Variants in ATG7 observed in about 807,000 individuals in gnomAD.
ATG7 encodes autophagy related 7.
A neutral mutation model predicts 82.4 loss-of-function variants in ATG7; 70 were observed. The ratio of observed to expected loss-of-function variants is 0.85; its 90% confidence interval spans 0.70 to 1.04. ATG7 has a LOEUF of 1.04. Ranked by LOEUF, ATG7 falls within the 50% of genes least tolerant of loss-of-function variation. The pLI is 0.00. For missense variants in ATG7, 792 were observed against 864.3 expected (o/e 0.92, Z 1.05); for synonymous variants, 287 against 313.0 (o/e 0.92, Z 0.88).
chr3:11,308,937 T>A (rs574434116), intron 6 of ATG7, 47 bp from the exon 7 acceptor site: 3 of 1,550,098 alleles, frequency 1.9e-6, no homozygotes, highest in East Asian at 4.5e-5. Flanking sequence ...AGTGAGAAAC[T>A]CAGAGATGCC....
chr3:11,540,748 G>T (rs1312282152), intron 20 of ATG7, among the ~76,000 whole-genome samples: 1 of 151,720 alleles, frequency 6.6e-6, no homozygotes, highest in African/African-American at 2.4e-5. Context: ...TCTTGATGTT[G>T]TCTTTAAGAG....
chr3:11,545,623 C>G (rs2071213860), intron 20 of ATG7, among the ~76,000 whole-genome samples: 1 of 152,194 alleles, frequency 6.6e-6, no homozygotes, highest in Non-Finnish European at 1.5e-5. Flanking sequence ...CCCCGCCAGC[C>G]CTGTCCCCTC....
the ATG7 span, chr3:11,569,002 G>A: frequency 2.0e-6 from 2 of 1,025,104 alleles, no homozygotes; most frequent in Non-Finnish European, 2.4e-6. Flanking sequence ...CATCATCCAG[G>A]ACAGAGCTTT....
intron 20 of ATG7, among the ~76,000 whole-genome samples, chr3:11,491,732 G>A (rs1221674275): frequency 1.3e-5 from 2 of 152,272 alleles, no homozygotes; most frequent in Non-Finnish European, 1.5e-5. Context: ...TTTGCTAGAG[G>A]TCCAGTCCAG....
intron 1 of ATG7, among the ~76,000 whole-genome samples, chr3:11,272,921 T>A (rs1487787009): frequency 6.6e-6 from 1 of 152,222 alleles, no homozygotes; most frequent in Non-Finnish European, 1.5e-5. Context: ...CTCGATTCCT[T>A]GGTTACAGGG....
chr3:11,274,090 C>T (rs1941154345), intron 1 of ATG7, among the ~76,000 whole-genome samples: 1 of 152,148 alleles, frequency 6.6e-6, no homozygotes, highest in Admixed American at 6.5e-5. Context: ...TCTTGGCCAA[C>T]TCCTTCCTGC....
intron 20 of ATG7, among the ~76,000 whole-genome samples, chr3:11,524,892 T>G (rs2092535110): frequency 1.3e-5 from 2 of 152,142 alleles, no homozygotes; most frequent in Non-Finnish European, 1.5e-5. Context: ...TCTTACAGAT[T>G]AAGAACATGA....
intron 1 of ATG7, among the ~76,000 whole-genome samples, chr3:11,273,628 T>C (rs1203658465): frequency 6.6e-6 from 1 of 152,240 alleles, no homozygotes; most frequent in African/African-American, 2.4e-5. Flanking sequence ...TAGCATATTA[T>C]ATATGCTCAA....
chr3:11,324,525 A>C (rs552816695), intron 9 of ATG7, among the ~76,000 whole-genome samples: 8 of 152,224 alleles, frequency 5.3e-5, no homozygotes, highest in African/African-American at 1.7e-4. Context: ...TTTCAAGCTG[A>C]CCTGCTTTTA....
At position 11,543,338 on chromosome 3, in the gene ATG7, G is replaced by T. The variant is rs112561995; in HGVS notation, c.2080-11473G>T. ...GCAGCAGGGGGCTGGGGTTGGAAAG[G>T]CTGGGAGAACTCCTCCCTCAGAAGA... is the stretch of plus-strand genomic sequence containing the variant. On this transcript the variant is annotated intron_variant, in intron 20 of 20. Transcript: ENST00000693202. 8.6e-3 allele frequency among the ~76,000 whole-genome samples: 1,306 copies of T among 152,262 alleles called. 21 individuals are homozygous for T. The highest frequency in any genetic ancestry group is 0.029 in the African/African-American group (1,216 of 41,548).
chr3:11,328,988 A>G (rs1002155539), intron 9 of ATG7, among the ~76,000 whole-genome samples: 7 of 152,160 alleles, frequency 4.6e-5, no homozygotes, highest in Admixed American at 3.9e-4. Flanking sequence ...CAGGAACTAG[A>G]GAGGCTGAGG....
chr3:11,351,975 A>G (rs1010590858), intron 14 of ATG7, among the ~76,000 whole-genome samples: 2 of 150,742 alleles, frequency 1.3e-5, no homozygotes, highest in African/African-American at 2.4e-5. Context: ...TACATTAGGT[A>G]TATATCCTAA....
intron 11 of ATG7, among the ~76,000 whole-genome samples, chr3:11,339,711 G>GT (rs1162925580): frequency 6.6e-6 from 1 of 152,232 alleles, no homozygotes; most frequent in Admixed American, 6.5e-5. Context: ...ATACAGCAGT[G>GT]TTTCCCTGAA....
chr3:11,479,039 C>A (rs988869717), intron 20 of ATG7, among the ~76,000 whole-genome samples: 7 of 149,498 alleles, frequency 4.7e-5, no homozygotes, highest in African/African-American at 1.7e-4. Flanking sequence ...CACACACACA[C>A]AATTTTTTAC....
chr3:11,533,901 A>C (rs952685278), intron 20 of ATG7, among the ~76,000 whole-genome samples: 1 of 152,238 alleles, frequency 6.6e-6, no homozygotes, highest in Non-Finnish European at 1.5e-5. Context: ...TTTGCTCTTA[A>C]AAATTTAAGC....
intron 20 of ATG7, among the ~76,000 whole-genome samples, chr3:11,486,261 C>T (rs2089639441): frequency 6.6e-6 from 1 of 152,130 alleles, no homozygotes; most frequent in South Asian, 2.1e-4. Context: ...CTTCACTTCC[C>T]TTGTAAGTTG....
intron 20 of ATG7, 79 bp from the exon 21 acceptor site, chr3:11,554,732 G>A (rs1006050912): frequency 4.4e-5 from 68 of 1,552,630 alleles, no homozygotes; most frequent in Admixed American, 1.2e-4. Context: ...TGCCATGACT[G>A]CTGCGGTTTT....
chr3:11,481,066 A>G (rs1393414310), intron 20 of ATG7, among the ~76,000 whole-genome samples: 1 of 152,244 alleles, frequency 6.6e-6, no homozygotes, highest in Non-Finnish European at 1.5e-5. Flanking sequence ...TATTTATGTA[A>G]TAGTTGATCC....
chr3:11,280,170 C>G (rs1037447063), intron 1 of ATG7, among the ~76,000 whole-genome samples: 8 of 152,162 alleles, frequency 5.3e-5, no homozygotes, highest in African/African-American at 1.7e-4. Flanking sequence ...CTTCAGCCTT[C>G]CGAGTAGCTG....
Sources: allele counts gnomAD v4.1 joint callset (sites outside exome capture counted in the v4.1 genomes callset), GRCh38; gene constraint gnomAD v4.1.1; transcripts MANE v1.5; gene names NCBI Gene and HGNC (gene_info 2026-07-23, HGNC 2026-07-21).